SMYD3: variants seen among roughly 807,000 people sequenced by gnomAD.
SMYD3 encodes histone-lysine N-methyltransferase SMYD3.
Under a neutral mutation model 57.7 loss-of-function variants are expected in SMYD3, and 36 were observed. The ratio of observed to expected loss-of-function variants is 0.62; its 90% CI spans 0.48 to 0.82. The LOEUF (loss-of-function observed/expected upper bound fraction) is 0.82, where lower values mean the gene tolerates loss of function less well. SMYD3 is among the 40% of genes least tolerant of loss of function. The probability of loss-of-function intolerance (pLI) is 0.00; values close to 1 mark genes in which losing one functional copy is unlikely to be tolerated. For synonymous variants in SMYD3, 211 were observed against 195.0 expected (o/e 1.08, Z -0.68); for missense variants, 515 against 538.8 (o/e 0.96, Z 0.44).
At chr1:245,773,054 G>C (rs1367171464) in intron 10 of SMYD3, among the ~76,000 whole-genome samples, 1 of 147,286 alleles carries the variant, frequency 6.8e-6, no homozygotes, top group African/African-American at 2.5e-5. Context: ...CACCCACATG[G>C]AGATTACACA....
At chr1:246,180,462 A>G (rs1178171813) in intron 5 of SMYD3, among the ~76,000 whole-genome samples, 1 of 149,702 alleles carries the variant, frequency 6.7e-6, no homozygotes, top group Non-Finnish European at 1.5e-5. Context: ...TGATTTTAAA[A>G]CTCAGGAGGG....
At position 246,197,015 on chromosome 1, in the gene SMYD3, A is replaced by G. The variant is rs180713819; in HGVS notation, c.531+130186T>C. ...TAAAGAAAAAAAAAAACAACTCTGC[A>G]ATGATGAGGATATGTCAAACGGACA... is the stretch of plus-strand genomic sequence containing the variant. On this transcript the variant is annotated intron_variant, in intron 5 of 11. Coordinates refer to ENST00000490107, the MANE Select transcript of SMYD3 (RefSeq NM_001167740.2). 1.8e-3 allele frequency among the ~76,000 whole-genome samples: 281 copies of G among 152,276 alleles called. 1 individual carries two copies. The highest frequency in any genetic ancestry group is 6.5e-3 in the African/African-American group (269 of 41,552).
At chr1:246,032,337 A>G (rs973990519) in intron 5 of SMYD3, among the ~76,000 whole-genome samples, 1 of 152,150 alleles carries the variant, frequency 6.6e-6, no homozygotes, top group Non-Finnish European at 1.5e-5. Flanking sequence ...TGATCAGGTC[A>G]CCTAACACCT....
chr1:246,408,069 C>T (rs1034699844), intron 1 of SMYD3, among the ~76,000 whole-genome samples: 5 of 151,768 alleles, frequency 3.3e-5, no homozygotes, highest in African/African-American at 4.8e-5. Flanking sequence ...TTTATGAGGG[C>T]GCTAATCCCA....
intron 1 of SMYD3, among the ~76,000 whole-genome samples, chr1:246,441,185 C>G (rs2067457834): frequency 6.6e-6 from 1 of 152,174 alleles, no homozygotes; most frequent in Non-Finnish European, 1.5e-5. Context: ...AGGAAGATCT[C>G]TAATGAGTAA....
In SMYD3 at chr1:246,152,554, C is replaced by G. The variant is rs112523618; in HGVS notation, c.531+174647G>C. ...TTCTCCATACACTTGCTATGTTTTA[C>G]GCACTGAGTGAAGATTTTTCTCATT... is the stretch of plus-strand genomic sequence containing the variant. On this transcript the variant is annotated intron_variant, in intron 5 of 11. Coordinates refer to ENST00000490107, the MANE Select transcript of SMYD3 (RefSeq NM_001167740.2). 1.6e-3 allele frequency among the ~76,000 whole-genome samples: 245 copies of G among 152,356 alleles called. 1 individual carries two copies. The highest frequency in any genetic ancestry group is 5.5e-3 in the African/African-American group (227 of 41,594).
intron 1 of SMYD3, among the ~76,000 whole-genome samples, chr1:246,466,454 C>A (rs2067882526): frequency 6.6e-6 from 1 of 152,030 alleles, no homozygotes; most frequent in African/African-American, 2.4e-5. Context: ...CAGGTTCTTG[C>A]TTAAAGGGGG....
chr1:246,260,652 C>T (rs1010863687), intron 5 of SMYD3, among the ~76,000 whole-genome samples: 1 of 151,892 alleles, frequency 6.6e-6, no homozygotes, highest in African/African-American at 2.4e-5. Flanking sequence ...AGGATGGTCT[C>T]GATCTCTTGA....
chr1:245,963,618 A>G (rs1271879462), intron 5 of SMYD3, among the ~76,000 whole-genome samples: 2 of 152,064 alleles, frequency 1.3e-5, no homozygotes, highest in Non-Finnish European at 2.9e-5. Flanking sequence ...AAAAAGGAGG[A>G]AAAGGACCAT....
intron 10 of SMYD3, among the ~76,000 whole-genome samples, chr1:245,823,904 A>G (rs2049318132): frequency 6.6e-6 from 1 of 152,220 alleles, no homozygotes; most frequent in South Asian, 2.1e-4. Flanking sequence ...TTACTTCCAG[A>G]GCTGACTGCA....
At chr1:246,309,857 G>T (rs959041492) in intron 5 of SMYD3, among the ~76,000 whole-genome samples, 6 of 152,062 alleles carry the variant, frequency 3.9e-5, no homozygotes, top group African/African-American at 1.4e-4. Context: ...AAAATGATTT[G>T]TCTCTGCAAA....
intron 1 of SMYD3, among the ~76,000 whole-genome samples, chr1:246,358,877 T>C (rs370229399): frequency 2.0e-5 from 3 of 151,744 alleles, no homozygotes; most frequent in African/African-American, 4.8e-5. Context: ...GGAGCACAAA[T>C]AGACAATCTA....
chr1:245,788,549 C>G (rs1002674955), intron 10 of SMYD3, among the ~76,000 whole-genome samples: 6 of 152,180 alleles, frequency 3.9e-5, no homozygotes, highest in African/African-American at 9.7e-5. Context: ...CTGCTTCAAC[C>G]CTGTCACCTT....
chr1:246,121,152 A>G (rs1170800271), intron 5 of SMYD3, among the ~76,000 whole-genome samples: 1 of 152,194 alleles, frequency 6.6e-6, no homozygotes, highest in Non-Finnish European at 1.5e-5. Flanking sequence ...AACTTTAAAT[A>G]TTTTGTGATA....
At chr1:245,939,868 G>C (rs1436488806) in intron 5 of SMYD3, among the ~76,000 whole-genome samples, 5 of 152,096 alleles carry the variant, frequency 3.3e-5, no homozygotes, top group African/African-American at 1.2e-4. Flanking sequence ...CCTTAAGAAC[G>C]GTTCGAAAGT....
chr1:245,779,945 CA>C (rs1469111334), intron 10 of SMYD3, among the ~76,000 whole-genome samples: 1 of 152,188 alleles, frequency 6.6e-6, no homozygotes, highest in Non-Finnish European at 1.5e-5. Flanking sequence ...GATTAGCCAT[CA>C]GGGAAACGTG....
chr1:246,426,551 T>C (rs1007066415), intron 1 of SMYD3, among the ~76,000 whole-genome samples: 2 of 152,232 alleles, frequency 1.3e-5, no homozygotes, highest in South Asian at 4.1e-4. Context: ...CTTAGCATAA[T>C]GTTTTCTGAG....
At chr1:246,443,527 A>T (rs933516487) in intron 1 of SMYD3, among the ~76,000 whole-genome samples, 3 of 152,228 alleles carry the variant, frequency 2.0e-5, no homozygotes, top group African/African-American at 7.2e-5. Context: ...ATTTTAAAAC[A>T]CTTGAAAGAA....
At chr1:246,192,524 G>A (rs2062755188) in intron 5 of SMYD3, among the ~76,000 whole-genome samples, 1 of 152,100 alleles carries the variant, frequency 6.6e-6, no homozygotes, top group Non-Finnish European at 1.5e-5. Flanking sequence ...CCAAAGTGCT[G>A]GAATTACAGG....
Sources: gnomAD v4.1 joint callset for allele counts (sites outside exome capture counted in the v4.1 genomes callset) on GRCh38, gnomAD v4.1.1 for gene constraint, MANE v1.5 for transcripts, NCBI Gene and HGNC (gene_info 2026-07-23, HGNC 2026-07-21) for gene names.